The following PHACTR1 variants were observed in gnomAD, a reference collection of about 807,000 sequenced individuals.
The protein encoded by PHACTR1 is RPEL repeat containing 1.
PHACTR1 carries 16 observed loss-of-function variants against 69.2 expected under a neutral mutation model. That is an observed-to-expected ratio of 0.23 (90% CI 0.16 to 0.35). The LOEUF (loss-of-function observed/expected upper bound fraction) is 0.35. Among genes scored for constraint, PHACTR1 ranks in the 10% least tolerant of loss-of-function variants. The pLI, the probability that PHACTR1 is intolerant of heterozygous loss-of-function variation, is 1.00. For synonymous variants in PHACTR1, 312 were observed against 284.5 expected, an observed-to-expected ratio of 1.10 and a Z score of -0.97; for missense variants, 510 against 734.7, an observed-to-expected ratio of 0.69 and a Z score of 3.54.
rs1790296011 is a variant in PHACTR1 at position 12,943,717 on chromosome 6, A to G, written c.251-109648A>G. On this transcript the variant is annotated intron_variant, in intron 4 of 14. Coordinates refer to ENST00000332995, the MANE Select transcript of PHACTR1 (RefSeq NM_030948.6). Reference sequence around the variant, plus strand: ...ATGGGAAGGTGCCGTTGCTTTGGTGACAAATGGTATATCCAAGTAAGTAAT... The same window carrying G: ...ATGGGAAGGTGCCGTTGCTTTGGTGGCAAATGGTATATCCAAGTAAGTAAT... 2.0e-5 allele frequency among the ~76,000 whole-genome samples: 3 copies of G among 152,248 alleles called. 1 individual carries two copies. The South Asian group carries it at 6.2e-4, about 32-fold the overall frequency.
At chr6:13,181,043 C>T (rs568522253) in intron 6 of PHACTR1, among the ~76,000 whole-genome samples, 1 of 152,012 alleles carries the variant, frequency 6.6e-6, no homozygotes, top group Admixed American at 6.5e-5. Flanking sequence ...ACACTGTCCG[C>T]TTCAGATGAT....
chr6:13,041,459 G>A (rs965747452), intron 4 of PHACTR1, among the ~76,000 whole-genome samples: 2 of 151,420 alleles, frequency 1.3e-5, no homozygotes, highest in African/African-American at 2.4e-5. Flanking sequence ...ATTTCACCTC[G>A]TCACTAAACA....
chr6:12,928,272 A>C (rs1441854642), intron 4 of PHACTR1, among the ~76,000 whole-genome samples: 1 of 152,168 alleles, frequency 6.6e-6, no homozygotes, highest in African/African-American at 2.4e-5. Context: ...ATCTCTTTCC[A>C]AAGCTGTTTT....
intron 4 of PHACTR1, among the ~76,000 whole-genome samples, chr6:12,949,782 C>A (rs1323702564): frequency 6.6e-6 from 1 of 152,044 alleles, no homozygotes; most frequent in East Asian, 1.9e-4. Context: ...AAAAAAATCA[C>A]GAATCAATCT....
chr6:12,777,514 G>T (rs1770225400), intron 4 of PHACTR1, among the ~76,000 whole-genome samples: 1 of 151,558 alleles, frequency 6.6e-6, no homozygotes, highest in South Asian at 2.1e-4. Context: ...GAGTTATTTT[G>T]CTGAGGATGA....
At position 13,275,524 on chromosome 6, in the gene PHACTR1, C is replaced by G. The variant is rs1584384487; in HGVS notation, c.1447+2609C>G. 1 of 151,888 alleles carries G rather than the reference C, an allele frequency of 6.6e-6. No individual in the cohort carries two copies. The highest frequency in any genetic ancestry group is 6.6e-5 in the Admixed American group (1 of 15,252). 9.4% of individuals were successfully genotyped at this position (151,888 alleles called of 1,614,324 possible). ...GCTGTGTCAGCTGTGTCACAGGATG[C>G]CCGCCTTCACGGCTCTGAAGGGACC... On this transcript the variant is annotated intron_variant, in intron 11 of 14. Coordinates refer to ENST00000332995, the MANE Select transcript of PHACTR1 (RefSeq NM_030948.6). This position sits in a 1 kb window ranked among gnomAD's most constrained non-coding sequence, Gnocchi z 4.0.
intron 11 of PHACTR1, among the ~76,000 whole-genome samples, chr6:13,277,751 C>G (rs375461501): frequency 6.6e-6 from 1 of 152,048 alleles, no homozygotes; most frequent in Non-Finnish European, 1.5e-5. Context: ...AGTTCAAGAC[C>G]GGCCTGAACA....
rs990255104 is a variant in PHACTR1 at position 13,086,519 on chromosome 6, T to C, written c.415+32990T>C. On this transcript the variant is annotated intron_variant, in intron 5 of 14. Transcript: ENST00000332995. ...ACTTTTCTTCACCCCTAGGCCCCAG[T>C]AACCAGTGCTTTTTTTTCTGCCAAT... Among the ~76,000 whole-genome samples, 73 of 152,264 alleles carry C rather than the reference T, an allele frequency of 4.8e-4. 2 individuals are homozygous for C. The highest frequency in any genetic ancestry group is 1.2e-3 in the East Asian group (6 of 5,186).
chr6:12,892,210 T>A (rs981741999), intron 4 of PHACTR1, among the ~76,000 whole-genome samples: 4 of 151,592 alleles, frequency 2.6e-5, no homozygotes, highest in Non-Finnish European at 5.9e-5. Flanking sequence ...TTGAATTTTC[T>A]TGTCAAAATT....
At chr6:13,148,110 A>G (rs889280907) in intron 5 of PHACTR1, among the ~76,000 whole-genome samples, 4 of 129,016 alleles carry the variant, frequency 3.1e-5, no homozygotes, top group Non-Finnish European at 5.0e-5. Context: ...GAACCATAGT[A>G]TATGTGTTCT....
At chr6:12,997,750 G>A (rs990889107) in intron 4 of PHACTR1, among the ~76,000 whole-genome samples, 2 of 151,986 alleles carry the variant, frequency 1.3e-5, no homozygotes, top group African/African-American at 4.8e-5. Context: ...GTCACGAGAT[G>A]GAGACCATCC....
chr6:13,252,616 A>T (rs1312413220), intron 10 of PHACTR1, among the ~76,000 whole-genome samples: 3 of 102,100 alleles, frequency 2.9e-5, no homozygotes, highest in Admixed American at 2.5e-4. Flanking sequence ...TGCTGTTATT[A>T]AAAAAAAAAA....
chr6:12,948,198 C>T (rs1041913797), intron 4 of PHACTR1, among the ~76,000 whole-genome samples: 1 of 152,206 alleles, frequency 6.6e-6, no homozygotes, highest in East Asian at 1.9e-4. Flanking sequence ...CAGTTGAAAA[C>T]ACCTAGTGTC....
intron 4 of PHACTR1, among the ~76,000 whole-genome samples, chr6:12,945,034 G>A (rs1449218882): frequency 6.6e-6 from 1 of 151,934 alleles, no homozygotes; most frequent in African/African-American, 2.4e-5. Flanking sequence ...CGCCCGTCTC[G>A]GCCTCCCAAA....
At chr6:12,899,598 G>A (rs891738790) in intron 4 of PHACTR1, among the ~76,000 whole-genome samples, 1 of 152,206 alleles carries the variant, frequency 6.6e-6, no homozygotes, top group Non-Finnish European at 1.5e-5. Context: ...GCAATTTCCA[G>A]GTACTGGAGT....
chr6:12,837,490 G>C (rs1209884305), intron 4 of PHACTR1, among the ~76,000 whole-genome samples: 1 of 152,046 alleles, frequency 6.6e-6, no homozygotes, highest in Non-Finnish European at 1.5e-5. Context: ...AGTCCTATTA[G>C]TTCCAATGTA....
At chr6:12,755,035 T>C (rs957191060) in intron 4 of PHACTR1, among the ~76,000 whole-genome samples, 1 of 152,196 alleles carries the variant, frequency 6.6e-6, no homozygotes, top group Non-Finnish European at 1.5e-5. Context: ...TGGGAAGCAC[T>C]TTCCCATAAA....
At chr6:13,086,622 A>G (rs1456879750) in intron 5 of PHACTR1, among the ~76,000 whole-genome samples, 2 of 152,148 alleles carry the variant, frequency 1.3e-5, no homozygotes, top group Non-Finnish European at 2.9e-5. Context: ...TTTCAGATTC[A>G]TCTGTGTTAT....
intron 10 of PHACTR1, among the ~76,000 whole-genome samples, chr6:13,250,272 C>G (rs138957954): frequency 6.6e-6 from 1 of 152,252 alleles, no homozygotes; most frequent in East Asian, 1.9e-4. Context: ...TGCATGTGCC[C>G]GAAATATCTC....
Sources: allele counts gnomAD v4.1 joint callset (sites outside exome capture counted in the v4.1 genomes callset), GRCh38; gene constraint gnomAD v4.1.1; non-coding constraint Gnocchi (gnomAD v3.1); transcripts MANE v1.5; gene names NCBI Gene and HGNC (gene_info 2026-07-23, HGNC 2026-07-21).